The following CAPZA2 variants were observed in gnomAD, a reference collection of about 807,000 sequenced individuals.
CAPZA2 encodes the protein F-actin-capping protein subunit alpha-2.
Under a neutral mutation model 44.0 loss-of-function variants are expected in CAPZA2, and 13 were observed. The observed-to-expected ratio is 0.30, with a 90% CI of 0.19 to 0.47. CAPZA2 has a LOEUF of 0.47. CAPZA2 is among the 20% of genes least tolerant of loss of function. The pLI, the probability that CAPZA2 is intolerant of heterozygous loss-of-function variation, is 1.00. For missense variants in CAPZA2, 244 were observed against 338.6 expected (o/e 0.72, Z 2.19); for synonymous variants, 94 against 108.2 (o/e 0.87, Z 0.81).
At chr7:116,884,304 A>C (rs759045294) in intron 1 of CAPZA2, among the ~76,000 whole-genome samples, 1 of 152,200 alleles carries the variant, frequency 6.6e-6, no homozygotes, top group Non-Finnish European at 1.5e-5. Flanking sequence ...GCACATGTAT[A>C]GATCAATGTA....
intron 1 of CAPZA2, among the ~76,000 whole-genome samples, chr7:116,869,541 C>T (rs958543118): frequency 6.6e-6 from 1 of 152,160 alleles, no homozygotes; most frequent in Admixed American, 6.5e-5. Context: ...CTGCATTGTA[C>T]AATCAATGGG....
At chr7:116,880,696 CTTTTTTTTTTTTTTTT>C (rs557434747) in intron 1 of CAPZA2, among the ~76,000 whole-genome samples, 17 of 24,674 alleles carry the variant, frequency 6.9e-4, no homozygotes, top group East Asian at 1.5e-3. Flanking sequence ...TGTAACCTGC[CTTTTTTTTTTTTTTTT>C]TTTTTTTTTT....
At chr7:116,896,166 CT>C (rs948201137) in intron 3 of CAPZA2, among the ~76,000 whole-genome samples, 17 of 151,314 alleles carry the variant, frequency 1.1e-4, no homozygotes, top group Non-Finnish European at 2.5e-4. Flanking sequence ...GCTTTATCTC[CT>C]TTTTTTTTCT....
intron 1 of CAPZA2, among the ~76,000 whole-genome samples, chr7:116,870,056 A>C (rs550281622): frequency 2.0e-5 from 3 of 152,192 alleles, no homozygotes; most frequent in Non-Finnish European, 4.4e-5. Context: ...AGCAAGTTAC[A>C]TGTATAAACC....
intron 1 of CAPZA2, among the ~76,000 whole-genome samples, chr7:116,864,734 T>C (rs1420341014): frequency 6.6e-6 from 1 of 152,114 alleles, no homozygotes; most frequent in Non-Finnish European, 1.5e-5. Context: ...GCCTTATTGG[T>C]AATTTTCAAA....
chr7:116,865,981 TG>T (rs1315634041), intron 1 of CAPZA2, among the ~76,000 whole-genome samples: 9 of 152,356 alleles, frequency 5.9e-5, no homozygotes, highest in Admixed American at 2.6e-4. Context: ...AAAGGTGTTA[TG>T]TTACTGATAG....
intron 2 of CAPZA2, 145 bp from the exon 3 acceptor site, chr7:116,892,849 G>GTTTGGTTA: frequency 2.5e-6 from 1 of 392,952 alleles, no homozygotes. Flanking sequence ...TATGTTGTGT[G>GTTTGGTTA]TTTGGTTATT....
chr7:116,909,912 C>T (rs540594468), intron 6 of CAPZA2: 11 of 261,132 alleles, frequency 4.2e-5, no homozygotes, highest in Non-Finnish European at 8.2e-5. Context: ...ACAAAGAAAC[C>T]TGTAACTGAT....
intron 5 of CAPZA2, among the ~76,000 whole-genome samples, chr7:116,905,311 C>G (rs967751860): frequency 6.6e-5 from 10 of 152,046 alleles, no homozygotes; most frequent in Non-Finnish European, 1.3e-4. Context: ...AAATGCAAAT[C>G]AGGTCATTAA....
intron 1 of CAPZA2, chr7:116,875,656 C>G (rs1484559010): frequency 6.6e-6 from 1 of 152,004 alleles, no homozygotes; most frequent in Non-Finnish European, 1.5e-5. Context: ...AAGTGCTCCT[C>G]CCATCTCAGC....
At chr7:116,867,976 C>T (rs1390048800) in intron 1 of CAPZA2, among the ~76,000 whole-genome samples, 1 of 152,208 alleles carries the variant, frequency 6.6e-6, no homozygotes, top group Non-Finnish European at 1.5e-5. Context: ...GTACCTTCTT[C>T]ATTAAGTTGT....
At chr7:116,866,638 A>G (rs1209162901) in intron 1 of CAPZA2, among the ~76,000 whole-genome samples, 1 of 152,234 alleles carries the variant, frequency 6.6e-6, no homozygotes, top group African/African-American at 2.4e-5. Flanking sequence ...CTCTCTCTGG[A>G]TAAGAGATTC....
At chr7:116,900,207 AACAT>A (rs1453382767) in intron 4 of CAPZA2, among the ~76,000 whole-genome samples, 4 of 151,966 alleles carry the variant, frequency 2.6e-5, no homozygotes, top group Non-Finnish European at 5.9e-5. Flanking sequence ...CATAAACTAA[AACAT>A]TAAAATAATT....
chr7:116,886,079 T>C (rs1475050536), intron 1 of CAPZA2: 5 of 154,788 alleles, frequency 3.2e-5, no homozygotes, highest in Non-Finnish European at 7.3e-5. Flanking sequence ...TGATGTCAGA[T>C]ACCAGATAGA....
intron 1 of CAPZA2, among the ~76,000 whole-genome samples, chr7:116,873,092 C>T (rs905285503): frequency 4.6e-5 from 7 of 152,114 alleles, no homozygotes; most frequent in African/African-American, 1.7e-4. Flanking sequence ...TTGATCATGG[C>T]GGCCCATACC....
chr7:116,907,316 C>T (rs1004652055), intron 6 of CAPZA2, among the ~76,000 whole-genome samples: 5 of 152,202 alleles, frequency 3.3e-5, no homozygotes, highest in Non-Finnish European at 7.3e-5. Flanking sequence ...TGACTAGCCA[C>T]AGTTCCCTAA....
intron 1 of CAPZA2, chr7:116,886,019 CA>C (rs1260650399): frequency 6.5e-6 from 1 of 154,736 alleles, no homozygotes; most frequent in Non-Finnish European, 1.5e-5. Context: ...CTGAAGCTAT[CA>C]GTCAACATTA....
At chr7:116,899,446 A>G (rs1453426536) in intron 4 of CAPZA2, among the ~76,000 whole-genome samples, 1 of 151,942 alleles carries the variant, frequency 6.6e-6, no homozygotes, top group African/African-American at 2.4e-5. Flanking sequence ...GAAAGTTCTT[A>G]GTGGCTAATC....
intron 1 of CAPZA2, among the ~76,000 whole-genome samples, chr7:116,878,024 A>C (rs1796643228): frequency 1.3e-5 from 2 of 152,218 alleles, no homozygotes; most frequent in Admixed American, 1.3e-4. Context: ...TGACTGTAGG[A>C]GAGAAGTGCG....
Sources: allele counts gnomAD v4.1 joint callset (sites outside exome capture counted in the v4.1 genomes callset), GRCh38; gene constraint gnomAD v4.1.1; transcripts MANE v1.5; gene names NCBI Gene and HGNC (gene_info 2026-07-23, HGNC 2026-07-21).